ERC2: variants seen among roughly 807,000 people sequenced by gnomAD.
ERC2 encodes ELKS/RAB6-interacting/CAST family member 2, also known as ERC protein 2.
In ERC2, 42 loss-of-function variants were observed where a neutral mutation model predicts 114.8. The ratio of observed to expected loss-of-function variants is 0.37; its 90% CI spans 0.29 to 0.47. The LOEUF (loss-of-function observed/expected upper bound fraction) is 0.47. Ranked by LOEUF, ERC2 falls within the 20% of genes least tolerant of loss-of-function variation. The pLI is 0.99. For missense variants in ERC2, 939 were observed against 1,150.7 expected (o/e 0.82, Z 2.66); for synonymous variants, 454 against 425.5 (o/e 1.07, Z -0.82).
At chr3:56,278,253 A>G (rs540823266) in intron 3 of ERC2, among the ~76,000 whole-genome samples, 7 of 152,232 alleles carry the variant, frequency 4.6e-5, no homozygotes, top group Non-Finnish European at 7.3e-5. Flanking sequence ...CAACATCATT[A>G]ACTCTGTGTT....
intron 1 of ERC2, among the ~76,000 whole-genome samples, chr3:56,445,145 C>T (rs2062501951): frequency 6.6e-6 from 1 of 152,204 alleles, no homozygotes; most frequent in African/African-American, 2.4e-5. Flanking sequence ...ATGGCAATAA[C>T]TGGTTGGAGC....
chr3:56,183,198 G>T (rs1357088282), intron 3 of ERC2, among the ~76,000 whole-genome samples: 2 of 152,158 alleles, frequency 1.3e-5, no homozygotes, highest in African/African-American at 4.8e-5. Context: ...AAAGGCAAAA[G>T]TTAATATACA....
At chr3:56,316,071 C>G (rs2056848252) in intron 2 of ERC2, among the ~76,000 whole-genome samples, 1 of 151,938 alleles carries the variant, frequency 6.6e-6, no homozygotes, top group African/African-American at 2.4e-5. Flanking sequence ...AGGGAGGCCA[C>G]AGGCCTCTTG....
intron 17 of ERC2, among the ~76,000 whole-genome samples, chr3:55,622,040 T>C (rs953901564): frequency 6.6e-6 from 1 of 152,200 alleles, no homozygotes; most frequent in Non-Finnish European, 1.5e-5. Context: ...TGGACATAGT[T>C]GGGTAAGAAT....
intron 3 of ERC2, among the ~76,000 whole-genome samples, chr3:56,249,037 G>C (rs545912381): frequency 6.6e-6 from 1 of 152,310 alleles, no homozygotes; most frequent in South Asian, 2.1e-4. Context: ...GTAACTCAGT[G>C]TTTTGAGAAA....
chr3:55,811,947 A>T (rs980808011), intron 14 of ERC2, among the ~76,000 whole-genome samples: 2 of 152,146 alleles, frequency 1.3e-5, no homozygotes, highest in Admixed American at 6.5e-5. Context: ...GTTTGCTGCA[A>T]CTATCAGCCC....
At chr3:55,970,181 C>T (rs916856637) in intron 12 of ERC2, among the ~76,000 whole-genome samples, 3 of 152,106 alleles carry the variant, frequency 2.0e-5, no homozygotes, top group South Asian at 4.1e-4. Context: ...ATAAAGCTGT[C>T]AGCTAGTAAT....
At chr3:55,525,520 G>A (rs1004628689) in intron 17 of ERC2, among the ~76,000 whole-genome samples, 6 of 152,216 alleles carry the variant, frequency 3.9e-5, no homozygotes, top group African/African-American at 1.4e-4. Context: ...GTGAGGGGTG[G>A]TGAGTAGGAG....
At chr3:56,247,607 T>C (rs1164069192) in intron 3 of ERC2, among the ~76,000 whole-genome samples, 1 of 152,222 alleles carries the variant, frequency 6.6e-6, no homozygotes. Context: ...AAATAGTCTT[T>C]CTTACAACTA....
intron 17 of ERC2, among the ~76,000 whole-genome samples, chr3:55,640,926 G>C (rs1267837272): frequency 6.6e-6 from 1 of 152,180 alleles, no homozygotes; most frequent in Non-Finnish European, 1.5e-5. Flanking sequence ...CATAGGACTA[G>C]TCAATTAAAA....
At chr3:56,090,050 A>G (rs947532379) in intron 6 of ERC2, among the ~76,000 whole-genome samples, 3 of 152,196 alleles carry the variant, frequency 2.0e-5, no homozygotes, top group Non-Finnish European at 2.9e-5. Flanking sequence ...ATAATCATCA[A>G]TGACCTTGAT....
chr3:56,152,735 G>A (rs1056427127), intron 4 of ERC2, among the ~76,000 whole-genome samples: 1 of 152,114 alleles, frequency 6.6e-6, no homozygotes, highest in Admixed American at 6.6e-5. Context: ...GATCTCAATT[G>A]AGTGTCTCTT....
chr3:56,041,451 G>A (rs2075187759), intron 7 of ERC2, among the ~76,000 whole-genome samples: 1 of 152,142 alleles, frequency 6.6e-6, no homozygotes, highest in African/African-American at 2.4e-5. Flanking sequence ...TGTAAGACAG[G>A]AAAATGGGTT....
At chr3:55,945,334 AAGT>A (rs2067057794) in intron 13 of ERC2, among the ~76,000 whole-genome samples, 2 of 152,342 alleles carry the variant, frequency 1.3e-5, no homozygotes, top group East Asian at 3.9e-4. Flanking sequence ...GTACTTAGGT[AAGT>A]GTACCATAAC....
intron 8 of ERC2, among the ~76,000 whole-genome samples, chr3:56,013,562 C>G (rs977459419): frequency 4.6e-5 from 7 of 152,162 alleles, no homozygotes; most frequent in Non-Finnish European, 1.0e-4. Flanking sequence ...GAAACAGCTT[C>G]CAGGAGCGGT....
chr3:55,719,134 C>T (rs1476834407), intron 15 of ERC2, among the ~76,000 whole-genome samples: 1 of 152,164 alleles, frequency 6.6e-6, no homozygotes, highest in Non-Finnish European at 1.5e-5. Context: ...AATGTTACAA[C>T]ACTGAACATG....
At chr3:56,392,133 G>C (rs1452484083) in intron 2 of ERC2, among the ~76,000 whole-genome samples, 1 of 152,176 alleles carries the variant, frequency 6.6e-6, no homozygotes, top group Non-Finnish European at 1.5e-5. Flanking sequence ...TCAAAGAAAT[G>C]ATTTTAAAGA....
intron 17 of ERC2, among the ~76,000 whole-genome samples, chr3:55,615,988 T>C (rs184948273): frequency 9.2e-5 from 14 of 152,328 alleles, no homozygotes; most frequent in African/African-American, 2.9e-4. Context: ...ACAAACTCCA[T>C]ATACCTTCTG....
chr3:56,156,972 T>C (rs1168337577), intron 4 of ERC2, among the ~76,000 whole-genome samples: 1 of 152,182 alleles, frequency 6.6e-6, no homozygotes, highest in Non-Finnish European at 1.5e-5. Context: ...TGCTATGTAT[T>C]GATTACCTAC....
Sources: gnomAD v4.1 joint callset for allele counts (sites outside exome capture counted in the v4.1 genomes callset) on GRCh38, gnomAD v4.1.1 for gene constraint, MANE v1.5 for transcripts, NCBI Gene and HGNC (gene_info 2026-07-23, HGNC 2026-07-21) for gene names.